TMEM232: variants seen among roughly 807,000 people sequenced by gnomAD.
The protein encoded by TMEM232 is transmembrane protein 232.
Under a neutral mutation model 78.8 loss-of-function variants are expected in TMEM232, and 80 were observed. The observed-to-expected ratio is 1.01, with a 90% CI of 0.85 to 1.22. The LOEUF (loss-of-function observed/expected upper bound fraction) is 1.22, where lower values mean the gene tolerates loss of function less well. TMEM232 is among the 50% of genes most tolerant of loss of function. The pLI is 0.00. For missense variants in TMEM232, 881 were observed against 742.2 expected, an observed-to-expected ratio of 1.19 and a Z score of -2.17; for synonymous variants, 297 against 254.3, an observed-to-expected ratio of 1.17 and a Z score of -1.60.
chr5:110,403,746 G>C (rs1755689155), intron 2 of TMEM232, among the ~76,000 whole-genome samples: 1 of 151,864 alleles, frequency 6.6e-6, no homozygotes, highest in African/African-American at 2.4e-5. Context: ...TTGAAAATCA[G>C]TAAGCCAGAA....
chr5:110,420,815 T>C, intron 13 of TMEM232, 59 bp from the exon 14 acceptor site: 2 of 1,468,872 alleles, frequency 1.4e-6, no homozygotes, highest in Admixed American at 3.2e-5. Context: ...CATATCAGTT[T>C]AGCTGCTCAA....
intron 1 of TMEM232, among the ~76,000 whole-genome samples, chr5:110,683,056 T>C (rs538087092): frequency 1.3e-5 from 2 of 152,274 alleles, no homozygotes; most frequent in East Asian, 3.9e-4. Flanking sequence ...ATAGGGATTA[T>C]ATTGGTCTTG....
intron 12 of TMEM232, among the ~76,000 whole-genome samples, chr5:110,486,596 G>C (rs1017651721): frequency 7.9e-5 from 12 of 151,950 alleles, no homozygotes; most frequent in African/African-American, 2.9e-4. Flanking sequence ...CTTTGTTTTT[G>C]TTTGCTTTGT....
intron 10 of TMEM232, among the ~76,000 whole-genome samples, chr5:110,582,842 C>A (rs570472212): frequency 2.0e-4 from 31 of 151,880 alleles, no homozygotes; most frequent in African/African-American, 7.5e-4. Flanking sequence ...AATCAACACA[C>A]AAAAATTGTT....
intron 11 of TMEM232, among the ~76,000 whole-genome samples, chr5:110,534,321 C>T (rs1207843232): frequency 1.3e-5 from 2 of 152,178 alleles, no homozygotes; most frequent in African/African-American, 2.4e-5. Flanking sequence ...TTACAGTCCT[C>T]AGTCTTCAAG....
intron 3 of TMEM232, among the ~76,000 whole-genome samples, chr5:110,397,045 A>G (rs1755415253): frequency 6.6e-6 from 1 of 152,268 alleles, no homozygotes; most frequent in South Asian, 2.1e-4. Context: ...CTTGGAAGAA[A>G]TATTTCCTTT....
chr5:110,388,474 G>T (rs1755061531), intron 4 of TMEM232, among the ~76,000 whole-genome samples: 1 of 152,136 alleles, frequency 6.6e-6, no homozygotes. Context: ...CTTTTTGTCA[G>T]AAAAGAAAAT....
At chr5:110,443,301 A>C (rs923107279) in intron 12 of TMEM232, among the ~76,000 whole-genome samples, 1 of 152,142 alleles carries the variant, frequency 6.6e-6, no homozygotes, top group Non-Finnish European at 1.5e-5. Flanking sequence ...CTACAATGCA[A>C]AATCCTTCCT....
At chr5:110,450,608 A>G (rs1299235812) in intron 12 of TMEM232, among the ~76,000 whole-genome samples, 1 of 152,140 alleles carries the variant, frequency 6.6e-6, no homozygotes, top group Admixed American at 6.6e-5. Context: ...CAACTGAAGG[A>G]CATGAATCAA....
intron 12 of TMEM232, among the ~76,000 whole-genome samples, chr5:110,438,415 C>T (rs535562139): frequency 3.3e-5 from 5 of 151,936 alleles, no homozygotes; most frequent in South Asian, 4.2e-4. Context: ...AATTACCTCT[C>T]CATTCTCATG....
intron 10 of TMEM232, among the ~76,000 whole-genome samples, chr5:110,570,396 T>G (rs561518454): frequency 9.9e-5 from 15 of 152,100 alleles, no homozygotes; most frequent in African/African-American, 2.9e-4. Context: ...GAGAAAAAGA[T>G]AATCTGTATC....
At chr5:110,718,930 A>C (rs1245835711) in intron 1 of TMEM232, among the ~76,000 whole-genome samples, 6 of 152,026 alleles carry the variant, frequency 3.9e-5, no homozygotes, top group Admixed American at 2.6e-4. Flanking sequence ...TATTTCATGG[A>C]ATATAGTTCA....
chr5:110,460,607 A>G (rs1329877150), intron 12 of TMEM232, among the ~76,000 whole-genome samples: 1 of 151,984 alleles, frequency 6.6e-6, no homozygotes, highest in Non-Finnish European at 1.5e-5. Flanking sequence ...CACATATACT[A>G]CTATAGGCAT....
intron 11 of TMEM232, among the ~76,000 whole-genome samples, chr5:110,567,411 T>A (rs1009673477): frequency 6.6e-6 from 1 of 151,878 alleles, no homozygotes; most frequent in Admixed American, 6.6e-5. Flanking sequence ...CTATATTTAT[T>A]GAGCACTTAT....
chr5:110,582,595 G>A (rs914283989), intron 10 of TMEM232, among the ~76,000 whole-genome samples: 3 of 151,822 alleles, frequency 2.0e-5, no homozygotes, highest in African/African-American at 7.2e-5. Context: ...CCTGTACCAG[G>A]AACAAGCCAA....
At chr5:110,721,086 G>C (rs1274376860) in intron 1 of TMEM232, among the ~76,000 whole-genome samples, 1 of 151,896 alleles carries the variant, frequency 6.6e-6, no homozygotes, top group Non-Finnish European at 1.5e-5. Flanking sequence ...CTAGTTGCAG[G>C]GGAAAAAGTT....
chr5:110,706,530 CAG>C (rs971212411), intron 1 of TMEM232, among the ~76,000 whole-genome samples: 6 of 152,280 alleles, frequency 3.9e-5, no homozygotes, highest in Admixed American at 3.3e-4. Context: ...CCCGAGGACA[CAG>C]AATGCGTATA....
intron 10 of TMEM232, among the ~76,000 whole-genome samples, chr5:110,596,295 T>C (rs1362113428): frequency 1.3e-5 from 2 of 151,890 alleles, no homozygotes; most frequent in African/African-American, 4.8e-5. Flanking sequence ...ACACATACAC[T>C]CTCCCAAGAC....
chr5:110,587,737 G>C (rs1014516826), intron 10 of TMEM232, among the ~76,000 whole-genome samples: 1 of 134,470 alleles, frequency 7.4e-6, no homozygotes. Context: ...GTGTGTGTGT[G>C]TCAAACTTGT....
Sources: allele counts gnomAD v4.1 joint callset (sites outside exome capture counted in the v4.1 genomes callset), GRCh38; gene constraint gnomAD v4.1.1; transcripts MANE v1.5; gene names NCBI Gene and HGNC (gene_info 2026-07-23, HGNC 2026-07-21).